Variants in LTBP1 observed in about 807,000 individuals in gnomAD.
The protein encoded by LTBP1 is latent-transforming growth factor beta-binding protein 1.
A neutral mutation model predicts 207.6 loss-of-function variants in LTBP1; 129 were observed. The observed-to-expected ratio is 0.62, with a 90% CI of 0.54 to 0.72. The LOEUF is 0.72. LTBP1 is among the 30% of genes least tolerant of loss of function. LTBP1 has a pLI of 0.00. For synonymous variants in LTBP1, 963 were observed against 833.7 expected, an observed-to-expected ratio of 1.16 and a Z score of -2.67; for missense variants, 2,281 against 2,217.2, an observed-to-expected ratio of 1.03 and a Z score of -0.58.
At chr2:33,081,119 G>A (rs1326714699) in intron 3 of LTBP1, among the ~76,000 whole-genome samples, 1 of 70,690 alleles carries the variant, frequency 1.4e-5, no homozygotes, top group Non-Finnish European at 4.0e-5. Flanking sequence ...ATATACTGGG[G>A]GGAACTTAGC....
At chr2:33,287,272 C>T (rs1212211283) in intron 19 of LTBP1, among the ~76,000 whole-genome samples, 2 of 152,124 alleles carry the variant, frequency 1.3e-5, no homozygotes, top group Non-Finnish European at 2.9e-5. Flanking sequence ...AATTGATTCC[C>T]AAACAAGTGA....
At chr2:33,026,565 T>G (rs921071957) in intron 3 of LTBP1, among the ~76,000 whole-genome samples, 2 of 152,202 alleles carry the variant, frequency 1.3e-5, no homozygotes, top group African/African-American at 2.4e-5. Flanking sequence ...TTTCCATTCC[T>G]TATGGTATGT....
intron 10 of LTBP1, among the ~76,000 whole-genome samples, chr2:33,246,971 A>C (rs1258971442): frequency 6.6e-6 from 1 of 152,212 alleles, no homozygotes; most frequent in Non-Finnish European, 1.5e-5. Context: ...GAGCAAATTC[A>C]AGAAAAGTAT....
Position 33,134,607 on chromosome 2 carries a change from T to C in LTBP1, c.1034-186T>C. The C allele has an allele frequency of 6.5e-7, 1 of 1,536,528 alleles. No homozygotes were observed. Among genetic ancestry groups the C allele is most frequent in the Non-Finnish European group, 8.8e-7 (1 of 1,139,774 alleles). On this transcript the variant is annotated intron_variant, in intron 4 of 33. Coordinates refer to ENST00000404816, the MANE Select transcript of LTBP1 (RefSeq NM_206943.4). This position sits in a 1 kb window ranked among gnomAD's most constrained non-coding sequence, Gnocchi z 4.4. The stretch of plus-strand genomic sequence containing the variant: ...CCTACTCCTGTTTCAGAGACACCAC[T>C]GAATACAGAGCAGCGAGCACTGAAG...
chr2:32,962,031 G>C (rs1250375437), intron 2 of LTBP1, among the ~76,000 whole-genome samples: 2 of 151,008 alleles, frequency 1.3e-5, no homozygotes, highest in Non-Finnish European at 2.9e-5. Context: ...TTTATGACCA[G>C]TTTGTACACT....
chr2:33,374,355 A>G (rs1156340942), intron 31 of LTBP1, among the ~76,000 whole-genome samples: 1 of 152,170 alleles, frequency 6.6e-6, no homozygotes, highest in Non-Finnish European at 1.5e-5. Context: ...CTTTATCCAA[A>G]GTTGAGACCT....
At chr2:33,384,774 T>G (rs576838934) in intron 31 of LTBP1, among the ~76,000 whole-genome samples, 11 of 152,344 alleles carry the variant, frequency 7.2e-5, no homozygotes, top group African/African-American at 2.4e-4. Flanking sequence ...CCACAGTTCA[T>G]GCAGTTCCCC....
intron 3 of LTBP1, among the ~76,000 whole-genome samples, chr2:33,046,767 T>C (rs2076467367): frequency 6.6e-6 from 1 of 152,204 alleles, no homozygotes. Flanking sequence ...TGGTAGGCTA[T>C]TAATTACCGC....
chr2:33,164,760 C>T lies in LTBP1; in HGVS notation c.1202-22096C>T, dbSNP rs570978091. On this transcript the variant is annotated intron_variant, in intron 5 of 33. Coordinates refer to ENST00000404816, the MANE Select transcript of LTBP1 (RefSeq NM_206943.4). ...TTGGCTCCACTGAGGTTCATTCCAA[C>T]GATTGACATTCATTTGTCACCTACT... Among the ~76,000 whole-genome samples the T allele has an allele frequency of 3.0e-4, 46 of 152,292 alleles. 2 individuals are homozygous for T. Among genetic ancestry groups the T allele is most frequent in the Admixed American group, 1.3e-3 (20 of 15,294 alleles).
chr2:33,097,159 A>C (rs1046537084), intron 3 of LTBP1, among the ~76,000 whole-genome samples: 19 of 152,168 alleles, frequency 1.2e-4, no homozygotes, highest in African/African-American at 4.3e-4. Context: ...GATGTTAAAA[A>C]TTATTCTGCT....
At chr2:33,166,222 T>C (rs1259882174) in intron 5 of LTBP1, among the ~76,000 whole-genome samples, 1 of 152,186 alleles carries the variant, frequency 6.6e-6, no homozygotes, top group Admixed American at 6.5e-5. Context: ...AAAGTACATA[T>C]AAAATGTATG....
chr2:33,291,614 C>G (rs1488454885), intron 19 of LTBP1: 2 of 152,188 alleles, frequency 1.3e-5, no homozygotes, highest in South Asian at 2.1e-4. Context: ...TTTTTGTTAT[C>G]GTGGACTAGA....
chr2:33,027,467 C>T (rs2075475701), intron 3 of LTBP1, among the ~76,000 whole-genome samples: 1 of 152,078 alleles, frequency 6.6e-6, no homozygotes, highest in African/African-American at 2.4e-5. Flanking sequence ...CTTACTCATC[C>T]CACGTAACTA....
At chr2:33,315,594 G>A (rs970794854) in intron 24 of LTBP1, among the ~76,000 whole-genome samples, 1 of 152,194 alleles carries the variant, frequency 6.6e-6, no homozygotes. Context: ...TTTCCCCTGG[G>A]ACTCTGCTTC....
intron 3 of LTBP1, among the ~76,000 whole-genome samples, chr2:33,089,706 A>C (rs548527777): frequency 2.0e-4 from 30 of 152,376 alleles, no homozygotes; most frequent in African/African-American, 6.7e-4. Context: ...GTAGCACATA[A>C]GTGAATTTTC....
At chr2:33,060,733 G>C (rs1365106126) in intron 3 of LTBP1, among the ~76,000 whole-genome samples, 7 of 151,744 alleles carry the variant, frequency 4.6e-5, no homozygotes, top group Non-Finnish European at 1.0e-4. Flanking sequence ...AAAGTGACCA[G>C]AGCATGAATT....
intron 5 of LTBP1, among the ~76,000 whole-genome samples, chr2:33,171,676 G>A (rs989866408): frequency 2.0e-5 from 3 of 151,202 alleles, no homozygotes; most frequent in African/African-American, 7.3e-5. Context: ...GATACTCCTT[G>A]AGAAGAGCAA....
chr2:32,995,932 T>C (rs1172426110), intron 2 of LTBP1, among the ~76,000 whole-genome samples: 1 of 152,248 alleles, frequency 6.6e-6, no homozygotes, highest in Non-Finnish European at 1.5e-5. Flanking sequence ...TCGAGGTCTA[T>C]TGAGTTTAAC....
At chr2:33,188,181 G>C (rs1297873775) in intron 6 of LTBP1, among the ~76,000 whole-genome samples, 1 of 152,166 alleles carries the variant, frequency 6.6e-6, no homozygotes, top group Admixed American at 6.5e-5. Context: ...AGCACTTTGG[G>C]AGGCCAAGGC....
Sources: allele counts gnomAD v4.1 joint callset (sites outside exome capture counted in the v4.1 genomes callset), GRCh38; gene constraint gnomAD v4.1.1; non-coding constraint Gnocchi (gnomAD v3.1); transcripts MANE v1.5; gene names NCBI Gene and HGNC (gene_info 2026-07-23, HGNC 2026-07-21).